The following PRKAG2 variants were observed in gnomAD, a reference collection of about 807,000 sequenced individuals.
The protein encoded by PRKAG2 is protein kinase AMP-activated non-catalytic subunit gamma 2, also known as 5'-AMP-activated protein kinase subunit gamma-2.
PRKAG2 carries 26 observed loss-of-function variants against 69.6 expected under a neutral mutation model. The observed-to-expected ratio is 0.37, with a 90% CI of 0.27 to 0.52. The LOEUF (loss-of-function observed/expected upper bound fraction) is 0.52. Among genes scored for constraint, PRKAG2 ranks in the 20% least tolerant of loss-of-function variants. The pLI is 0.90. For synonymous variants in PRKAG2, 293 were observed against 285.0 expected (o/e 1.03, Z -0.28); for missense variants, 557 against 740.0 (o/e 0.75, Z 2.87).
At chr7:151,854,069 C>T (rs1249022081) in intron 1 of PRKAG2, among the ~76,000 whole-genome samples, 3 of 152,218 alleles carry the variant, frequency 2.0e-5, no homozygotes, top group Non-Finnish European at 4.4e-5. Flanking sequence ...AAGGCAAAGC[C>T]CACTCCTGTC....
chr7:151,757,562 C>T (rs563278978), intron 3 of PRKAG2, among the ~76,000 whole-genome samples: 5 of 152,326 alleles, frequency 3.3e-5, no homozygotes, highest in African/African-American at 7.2e-5. Context: ...TGACCTCGGT[C>T]ATAATTGTGA....
At chr7:151,763,253 A>G (rs1340137624) in intron 3 of PRKAG2, among the ~76,000 whole-genome samples, 1 of 152,232 alleles carries the variant, frequency 6.6e-6, no homozygotes, top group Non-Finnish European at 1.5e-5. Context: ...GGCAGGTCTC[A>G]CGCTAAGGCG....
At position 151,855,320 on chromosome 7, in the gene PRKAG2, C is replaced by CCACACACCACCCTCCACACACACCAGCCT. The variant is rs1563757267; in HGVS notation, c.114+21186_114+21187insAGGCTGGTGTGTGTGGAGGGTGGTGTGTG. Among the ~76,000 whole-genome samples, 8 of 1,142 alleles carry CCACACACCACCCTCCACACACACCAGCCT rather than the reference C, an allele frequency of 7.0e-3. 2 individuals are homozygous for CCACACACCACCCTCCACACACACCAGCCT. Among genetic ancestry groups the CCACACACCACCCTCCACACACACCAGCCT allele is most frequent in the Non-Finnish European group, 9.1e-3 (7 of 768 alleles). 0.7% of individuals were successfully genotyped at this position (1,142 alleles called of 152,430 possible). On this transcript the variant is annotated intron_variant, in intron 1 of 15. Coordinates refer to ENST00000287878, the MANE Select transcript of PRKAG2 (RefSeq NM_016203.4). ...CACCACCCTCCACACACACCACCCT[C>CCACACACCACCCTCCACACACACCAGCCT]CCACACACCGCCCTCCACACACACC...
intron 4 of PRKAG2, among the ~76,000 whole-genome samples, chr7:151,662,571 G>A (rs563390744): frequency 7.0e-4 from 107 of 152,222 alleles, no homozygotes; most frequent in African/African-American, 1.8e-3. Context: ...AGTCTTTTCC[G>A]CATAAATTCC....
intron 1 of PRKAG2, among the ~76,000 whole-genome samples, chr7:151,874,375 G>GTATAAGCC (rs1237992943): frequency 1.8e-5 from 1 of 56,966 alleles, no homozygotes; most frequent in African/African-American, 6.8e-5. Context: ...ATATGTATAT[G>GTATAAGCC]ATGTATATGT....
chr7:151,680,247 CTAAG>C (rs1833642583), intron 3 of PRKAG2, among the ~76,000 whole-genome samples: 1 of 152,118 alleles, frequency 6.6e-6, no homozygotes, highest in South Asian at 2.1e-4. Flanking sequence ...GTCGACTGTA[CTAAG>C]TGTCGGCTTA....
intron 9 of PRKAG2, among the ~76,000 whole-genome samples, chr7:151,571,814 T>C (rs1426404755): frequency 6.6e-6 from 1 of 152,194 alleles, no homozygotes; most frequent in Non-Finnish European, 1.5e-5. Context: ...CTCCAAGATG[T>C]ATTCTGATTT....
At chr7:151,644,476 A>G (rs1343329272) in intron 4 of PRKAG2, among the ~76,000 whole-genome samples, 1 of 152,178 alleles carries the variant, frequency 6.6e-6, no homozygotes, top group Non-Finnish European at 1.5e-5. Context: ...TTCACTTAGC[A>G]TAATTATTTT....
intron 4 of PRKAG2, among the ~76,000 whole-genome samples, chr7:151,653,122 C>T (rs1048368273): frequency 6.7e-6 from 1 of 148,712 alleles, no homozygotes; most frequent in Non-Finnish European, 1.5e-5. Context: ...CTTTAATCAT[C>T]ATAGCAGAGC....
chr7:151,717,598 C>T (rs1048874893), intron 3 of PRKAG2, among the ~76,000 whole-genome samples: 10 of 152,310 alleles, frequency 6.6e-5, no homozygotes, highest in Middle Eastern at 3.4e-3. Flanking sequence ...GGTACAGTGA[C>T]CACTCAGCAG....
At chr7:151,565,997 T>A in intron 11 of PRKAG2, 112 bp from the exon 12 acceptor site, 6 of 1,234,628 alleles carry the variant, frequency 4.9e-6, no homozygotes, top group Non-Finnish European at 7.1e-6. Context: ...TAGTTTTTTC[T>A]AACAGTCTAC....
intron 1 of PRKAG2, among the ~76,000 whole-genome samples, chr7:151,832,601 G>GGGC: frequency 6.6e-6 from 1 of 151,496 alleles, no homozygotes; most frequent in Admixed American, 6.6e-5. Flanking sequence ...TCTCTGGGGG[G>GGGC]GGGGTCCCAG....
At chr7:151,773,506 T>C (rs2076190146) in intron 3 of PRKAG2, among the ~76,000 whole-genome samples, 1 of 152,230 alleles carries the variant, frequency 6.6e-6, no homozygotes. Context: ...CCTCAGTTTC[T>C]AGTTTGGTAA....
chr7:151,698,117 A>C (rs1269832086), intron 3 of PRKAG2, among the ~76,000 whole-genome samples: 1 of 152,032 alleles, frequency 6.6e-6, no homozygotes, highest in Non-Finnish European at 1.5e-5. Context: ...CTTCCCACCC[A>C]CCTCAACCCT....
intron 1 of PRKAG2, among the ~76,000 whole-genome samples, chr7:151,825,746 G>T (rs1324738404): frequency 6.6e-6 from 1 of 152,222 alleles, no homozygotes; most frequent in Non-Finnish European, 1.5e-5. Context: ...CATTTGTTCA[G>T]CAAGTCCTTT....
chr7:151,672,197 G>A (rs759574430), intron 4 of PRKAG2, among the ~76,000 whole-genome samples: 27 of 151,930 alleles, frequency 1.8e-4, no homozygotes, highest in East Asian at 3.9e-4. Context: ...TGCCTCCTGC[G>A]TTCAAGCGAT....
Position 151,670,360 on chromosome 7 carries a change from G to T in PRKAG2, c.684+5060C>A, listed in dbSNP as rs992757111. Among the ~76,000 whole-genome samples the T allele has an allele frequency of 2.4e-4, 37 of 152,054 alleles. 1 individual carries two copies. Among genetic ancestry groups the T allele is most frequent in the Middle Eastern group, 3.4e-3 (1 of 294 alleles). On this transcript the variant is annotated intron_variant, in intron 4 of 15. Transcript: ENST00000287878. ...TCCTTTCAATTTTACCTTCAAAATT[G>T]CCCTCTACTTTTAAACACGATTCCA...
At chr7:151,746,140 C>G (rs1465732941) in intron 3 of PRKAG2, among the ~76,000 whole-genome samples, 2 of 152,218 alleles carry the variant, frequency 1.3e-5, no homozygotes, top group South Asian at 2.1e-4. Context: ...TGGAGAAGGA[C>G]CCGGTTAACT....
intron 6 of PRKAG2, among the ~76,000 whole-genome samples, chr7:151,585,354 G>A (rs1811399223): frequency 6.6e-6 from 1 of 152,130 alleles, no homozygotes; most frequent in South Asian, 2.1e-4. Context: ...TTGTTTCTGT[G>A]GAATATGACA....
Sources: gnomAD v4.1 joint callset for allele counts (sites outside exome capture counted in the v4.1 genomes callset) on GRCh38, gnomAD v4.1.1 for gene constraint, MANE v1.5 for transcripts, NCBI Gene and HGNC (gene_info 2026-07-23, HGNC 2026-07-21) for gene names.